Variants in UACA observed in about 807,000 individuals in gnomAD.
UACA encodes the protein uveal autoantigen with coiled-coil domains and ankyrin repeats.
Under a neutral mutation model 160.5 loss-of-function variants are expected in UACA, and 112 were observed. The ratio of observed to expected loss-of-function variants is 0.70; its 90% CI spans 0.60 to 0.82. The LOEUF is 0.82. UACA is among the 40% of genes least tolerant of loss of function. The probability of loss-of-function intolerance (pLI) is 0.00; values close to 1 mark genes in which losing one functional copy is unlikely to be tolerated. For synonymous variants in UACA, 557 were observed against 568.4 expected, an observed-to-expected ratio of 0.98 and a Z score of 0.29; for missense variants, 1,574 against 1,614.6, an observed-to-expected ratio of 0.97 and a Z score of 0.43.
intron 7 of UACA, 28 bp downstream of exon 7, chr15:70,687,512 T>C (rs1897767623): frequency 6.2e-7 from 1 of 1,603,462 alleles, no homozygotes; most frequent in Non-Finnish European, 8.5e-7. Context: ...ATCCAGCTGG[T>C]ATCTGGGAGC....
In UACA at chr15:70,684,410, T is replaced by C; in HGVS notation, c.639A>G (p.Arg213=). 1 of 1,612,656 alleles carries C rather than the reference T, an allele frequency of 6.2e-7. No individual in the cohort carries two copies. The highest frequency in any genetic ancestry group is 8.5e-7 in the Non-Finnish European group (1 of 1,179,534). ...TTTTAATTAAGACTTCTACTGCATC[T>C]CTGCAACCATATTCGCAACCTAGCA... ...ALMLGCEYGC[R]DAVEVLIKNG... Residue 213 remains arginine, a synonymous_variant, in exon 8 of 19, where the codon AGA becomes AGG. Transcript: ENST00000322954.
intron 1 of UACA, among the ~76,000 whole-genome samples, chr15:70,760,209 T>C (rs1483683100): frequency 3.3e-5 from 5 of 152,028 alleles, no homozygotes; most frequent in Admixed American, 6.6e-5. Context: ...AAGTATCTTA[T>C]GTATCAAAGA....
intron 13 of UACA, among the ~76,000 whole-genome samples, chr15:70,676,115 C>A (rs560897797): frequency 6.6e-6 from 1 of 152,216 alleles, no homozygotes; most frequent in East Asian, 1.9e-4. Context: ...AGTGATGAAT[C>A]CTTTCTGAGA....
chr15:70,744,294 CA>C (rs1899633638), intron 1 of UACA, among the ~76,000 whole-genome samples: 1 of 146,302 alleles, frequency 6.8e-6, no homozygotes, highest in African/African-American at 2.5e-5. Flanking sequence ...ATGAAGGATA[CA>C]AACCTTAGGC....
intron 15 of UACA, among the ~76,000 whole-genome samples, chr15:70,670,485 T>C (rs1299982071): frequency 6.6e-6 from 1 of 152,118 alleles, no homozygotes; most frequent in Admixed American, 6.5e-5. Flanking sequence ...CTTCCTTTCG[T>C]TCCTGCTCTA....
chr15:70,683,373 G>A (rs1023690531), intron 8 of UACA, among the ~76,000 whole-genome samples: 2 of 151,652 alleles, frequency 1.3e-5, no homozygotes, highest in Non-Finnish European at 2.9e-5. Context: ...AAAAAAGAGG[G>A]GAAGAAAATT....
chr15:70,685,861 G>A (rs945807682), intron 7 of UACA, among the ~76,000 whole-genome samples: 43 of 151,574 alleles, frequency 2.8e-4, no homozygotes, highest in Non-Finnish European at 5.0e-4. Context: ...TGCAACCTCC[G>A]CCTCCTGGGT....
In UACA at chr15:70,746,480, GAAAC is replaced by G. The variant is rs138982052; in HGVS notation, c.78+16846_78+16849del. ...AGAATGGCAATCATTAAAAAGTCAG[GAAAC>G]AGATGCTGGAGAGGACATGGAGAAA... On this transcript the variant is annotated intron_variant, in intron 1 of 18. Transcript: ENST00000322954. Among the ~76,000 whole-genome samples, 13 of 151,946 alleles carry G rather than the reference GAAAC, an allele frequency of 8.6e-5. 1 individual carries two copies. The highest frequency in any genetic ancestry group is 2.4e-4 in the African/African-American group (10 of 41,328).
intron 8 of UACA, among the ~76,000 whole-genome samples, chr15:70,683,890 G>T (rs925269956): frequency 4.0e-5 from 6 of 150,414 alleles, no homozygotes; most frequent in Admixed American, 6.6e-5. Context: ...AATATCAGCT[G>T]ACTATTTTAC....
chr15:70,687,414 A>G, intron 7 of UACA, 126 bp downstream of exon 7: 1 of 776,482 alleles, frequency 1.3e-6, no homozygotes, highest in African/African-American at 1.7e-5. Context: ...AAGGAAAAGC[A>G]AGCCAGGGAA....
At chr15:70,754,204 G>A (rs1038003367) in intron 1 of UACA, 4 of 454,818 alleles carry the variant, frequency 8.8e-6, no homozygotes, top group Non-Finnish European at 1.8e-5. Context: ...AAGGATACCT[G>A]GCCAGGTCCC....
chr15:70,763,269 C>A, intron 1 of UACA, 61 bp downstream of exon 1: 2 of 1,294,466 alleles, frequency 1.5e-6, no homozygotes, highest in Non-Finnish European at 2.0e-6. Flanking sequence ...AACTCGCCAG[C>A]AAAGGAGGGC....
At chr15:70,775,467 C>A in the UACA span, among the ~76,000 whole-genome samples, 2 of 152,022 alleles carry the variant, frequency 1.3e-5, no homozygotes, top group Non-Finnish European at 1.5e-5. Flanking sequence ...CTGCAGTCAG[C>A]CTGAGGTTTT....
intron 14 of UACA, chr15:70,671,501 C>CA (rs1897139585): frequency 6.3e-6 from 1 of 158,056 alleles, no homozygotes; most frequent in African/African-American, 2.4e-5. Context: ...CACTAGGAAA[C>CA]AAAAACAGAT....
At chr15:70,728,576 A>G (rs1360800415) in intron 1 of UACA, among the ~76,000 whole-genome samples, 57 of 145,326 alleles carry the variant, frequency 3.9e-4, no homozygotes, top group African/African-American at 1.4e-3. Context: ...AAAAAAAAAG[A>G]AAAAAAAAAA....
chr15:70,697,915 T>G lies in UACA; in HGVS notation c.212+1612A>C, dbSNP rs555038677. On this transcript the variant is annotated intron_variant, in intron 2 of 18. Transcript: ENST00000322954. ...AAAATACAAAATTAGCCAGGGGTGG[T>G]GGTGCATTCCTGCAATCCCAGCTAC... Among the ~76,000 whole-genome samples, 40 of 152,166 alleles carry G rather than the reference T, an allele frequency of 2.6e-4. No individual in the cohort carries two copies. In the South Asian group the frequency reaches 8.3e-3, roughly 32 times the overall value.
At chr15:70,763,765 T>G (rs1380093639), upstream of UACA, among the ~76,000 whole-genome samples, 1 of 152,214 alleles carries the variant, frequency 6.6e-6, no homozygotes, top group Non-Finnish European at 1.5e-5. Context: ...GGCGTGGAGA[T>G]GCGCGCAGGC....
At chr15:70,691,954 G>A (rs1369878960) in intron 3 of UACA, among the ~76,000 whole-genome samples, 2 of 152,164 alleles carry the variant, frequency 1.3e-5, no homozygotes, top group African/African-American at 2.4e-5. Context: ...AGGGGGTAGG[G>A]AGGAGAGGTT....
intron 1 of UACA, among the ~76,000 whole-genome samples, chr15:70,708,065 T>A (rs940349698): frequency 6.6e-6 from 1 of 152,294 alleles, no homozygotes; most frequent in East Asian, 1.9e-4. Context: ...ATGTGGCATA[T>A]GCATACAATG....
Sources: allele counts gnomAD v4.1 joint callset (sites outside exome capture counted in the v4.1 genomes callset), GRCh38; gene constraint gnomAD v4.1.1; transcripts MANE v1.5; gene names NCBI Gene and HGNC (gene_info 2026-07-23, HGNC 2026-07-21).